Variants in JMJD1C observed in about 807,000 individuals in gnomAD.
JMJD1C encodes jumonji domain containing 1C, also known as jumonji domain-containing protein 1C.
JMJD1C carries 31 observed loss-of-function variants against 245.3 expected under a neutral mutation model. The observed-to-expected ratio is 0.13, with a 90% confidence interval of 0.09 to 0.17. The LOEUF (loss-of-function observed/expected upper bound fraction) is 0.17, where lower values mean the gene tolerates loss of function less well. JMJD1C is among the 10% of genes least tolerant of loss of function. The pLI is 1.00. For missense variants in JMJD1C, 2,691 were observed against 3,000.2 expected, an observed-to-expected ratio of 0.90 and a Z score of 2.41; for synonymous variants, 1,057 against 1,017.4, an observed-to-expected ratio of 1.04 and a Z score of -0.74.
chr10:63,427,653 C>G, intron 1 of JMJD1C: 1 of 1,321,738 alleles, frequency 7.6e-7, no homozygotes. Flanking sequence ...TGAACTCTAA[C>G]AACAGTGGCT....
chr10:63,337,860 C>T (rs1321563911), intron 2 of JMJD1C, among the ~76,000 whole-genome samples: 3 of 152,064 alleles, frequency 2.0e-5, no homozygotes, highest in South Asian at 2.1e-4. Context: ...GAAATCTCTT[C>T]GCAAAGTATT....
chr10:63,177,905 A>AT (rs1224123565), intron 22 of JMJD1C, 49 bp from the exon 23 acceptor site: 2 of 1,588,602 alleles, frequency 1.3e-6, no homozygotes, highest in South Asian at 2.3e-5. Context: ...AATACCAGAA[A>AT]GCCAAGTCTC....
intron 2 of JMJD1C, among the ~76,000 whole-genome samples, chr10:63,339,467 C>T (rs1943172203): frequency 6.6e-6 from 1 of 151,604 alleles, no homozygotes; most frequent in South Asian, 2.1e-4. Flanking sequence ...AGAGTAGATG[C>T]AAAAACAAGA....
In JMJD1C at chr10:63,176,350, G is replaced by C. The variant is rs543131872; in HGVS notation, c.7348C>G (p.Leu2450Val). Residue 2450 changes from leucine (L) to valine (V), a missense_variant, in exon 24 of 26, where the codon CTT (leucine) becomes GTT (valine). Transcript: ENST00000399262. Reference protein sequence around the residue: ...LEEYGVRTCTLIQFLGDAIVL... With the variant: ...LEEYGVRTCTVIQFLGDAIVL... ...ATAGCATCACCAAGGAACTGAATAAGAGTACAGGTTCTGACTCCATATTCT... is the reference window on the plus strand; with the variant it reads ...ATAGCATCACCAAGGAACTGAATAACAGTACAGGTTCTGACTCCATATTCT... 2 of 1,613,982 alleles carry C rather than the reference G, an allele frequency of 1.2e-6. No homozygotes were observed. Among genetic ancestry groups the C allele is most frequent in the Admixed American group, 1.7e-5 (1 of 59,996 alleles).
intron 2 of JMJD1C, among the ~76,000 whole-genome samples, chr10:63,349,260 ACTT>A (rs903535402): frequency 1.1e-4 from 17 of 152,250 alleles, no homozygotes; most frequent in South Asian, 2.1e-4. Flanking sequence ...AGCCAAAAAA[ACTT>A]CTTTTCTTTA....
chr10:63,325,923 C>T (rs1250214783), intron 2 of JMJD1C, among the ~76,000 whole-genome samples: 3 of 152,066 alleles, frequency 2.0e-5, no homozygotes, highest in Non-Finnish European at 4.4e-5. Flanking sequence ...TATATTTATT[C>T]CATTTACATA....
Position 63,317,532 on chromosome 10 carries a change from C to T in JMJD1C, c.334-52768G>A, listed in dbSNP as rs575850288. Among the ~76,000 whole-genome samples, 48 of 152,154 alleles carry T rather than the reference C, an allele frequency of 3.2e-4. No homozygotes were observed. In the South Asian group the frequency reaches 9.7e-3, roughly 31 times the overall value. On this transcript the variant is annotated intron_variant, in intron 2 of 25. Coordinates refer to ENST00000399262, the MANE Select transcript of JMJD1C (RefSeq NM_032776.3). ...ATCAACTTCTCTCATCCTCCTAAGC[C>T]TACTACACACACACACACACAATCA...
chr10:63,340,691 TC>T (rs1393331900), intron 2 of JMJD1C, among the ~76,000 whole-genome samples: 3 of 152,158 alleles, frequency 2.0e-5, no homozygotes, highest in African/African-American at 7.2e-5. Flanking sequence ...ACCCCTGTAA[TC>T]CCAGCACTTT....
intron 2 of JMJD1C, among the ~76,000 whole-genome samples, chr10:63,290,684 T>C (rs1858560290): frequency 6.6e-6 from 1 of 152,208 alleles, no homozygotes; most frequent in African/African-American, 2.4e-5. Context: ...TGTCTATGAT[T>C]ACTCTGAGGT....
intron 2 of JMJD1C, among the ~76,000 whole-genome samples, chr10:63,331,034 A>G (rs1057063772): frequency 7.2e-5 from 11 of 152,188 alleles, no homozygotes; most frequent in African/African-American, 2.7e-4. Context: ...TCAAGTATCA[A>G]TTTCATTTTG....
At chr10:63,305,994 A>AT (rs1938165148) in intron 2 of JMJD1C, among the ~76,000 whole-genome samples, 1 of 152,076 alleles carries the variant, frequency 6.6e-6, no homozygotes, top group Admixed American at 6.6e-5. Context: ...AAATACTGGG[A>AT]TTAAAGGTGT....
At chr10:63,356,543 A>G (rs2134327216) in intron 2 of JMJD1C, among the ~76,000 whole-genome samples, 1 of 152,346 alleles carries the variant, frequency 6.6e-6, no homozygotes, top group East Asian at 1.9e-4. Context: ...TTTAGGAGAT[A>G]TTACAATGGT....
At chr10:63,514,954 T>C (rs544996647) in intron 1 of JMJD1C, among the ~76,000 whole-genome samples, 1 of 152,198 alleles carries the variant, frequency 6.6e-6, no homozygotes, top group African/African-American at 2.4e-5. Flanking sequence ...TAAGTATTTT[T>C]TTTTTTAAAG....
chr10:63,186,457 G>T, intron 18 of JMJD1C, 74 bp from the exon 19 acceptor site: 1 of 1,253,346 alleles, frequency 8.0e-7, no homozygotes, highest in Non-Finnish European at 1.1e-6. Flanking sequence ...TTGTTTGTTT[G>T]AGACAGAGTC....
chr10:63,200,383 C>T, intron 11 of JMJD1C, 93 bp downstream of exon 11: 2 of 880,648 alleles, frequency 2.3e-6, no homozygotes, highest in Non-Finnish European at 3.6e-6. Context: ...AGACTTACTC[C>T]CCCATCCAAA....
rs1855313177 is a variant in JMJD1C at position 63,264,715 on chromosome 10, A to G, written c.383T>C (p.Val128Ala). Residue 128 changes from valine to alanine, a missense_variant, in exon 3 of 26, where the codon GTA (valine) becomes GCA (alanine). By Grantham distance (64) the Val-to-Ala change is moderately conservative. Transcript: ENST00000399262. ...CAGTTGCTTATCTACAAGGAATTCT[A>G]CTGCAGTGACTGAACTGGGTATATT... ...ERNIPSSVTAVEFLVDKQLDF... is the reference protein window; with the variant it reads ...ERNIPSSVTAAEFLVDKQLDF... 9 of 1,601,534 alleles carry G rather than the reference A, an allele frequency of 5.6e-6. No individual in the cohort carries two copies. The highest frequency in any genetic ancestry group is 7.7e-6 in the Non-Finnish European group (9 of 1,173,594).
intron 1 of JMJD1C, among the ~76,000 whole-genome samples, chr10:63,455,876 A>T (rs139174321): frequency 6.6e-6 from 1 of 152,290 alleles, no homozygotes; most frequent in Admixed American, 6.5e-5. Flanking sequence ...CTGAAAATAA[A>T]TGATATTTTA....
intron 2 of JMJD1C, among the ~76,000 whole-genome samples, chr10:63,362,012 T>A (rs1032012195): frequency 1.3e-5 from 2 of 152,020 alleles, no homozygotes; most frequent in African/African-American, 4.8e-5. Flanking sequence ...GGCGGGTGGA[T>A]CACCTGAGGT....
chr10:63,348,155 G>A (rs1358631452), intron 2 of JMJD1C, among the ~76,000 whole-genome samples: 5 of 151,082 alleles, frequency 3.3e-5, no homozygotes, highest in African/African-American at 1.2e-4. Flanking sequence ...GCAGTGAGCT[G>A]GGATCGCGCC....
Sources: gnomAD v4.1 joint callset for allele counts (sites outside exome capture counted in the v4.1 genomes callset) on GRCh38, gnomAD v4.1.1 for gene constraint, MANE v1.5 for transcripts, NCBI Gene and HGNC (gene_info 2026-07-23, HGNC 2026-07-21) for gene names.